The following SFSWAP variants were observed in gnomAD, a reference collection of about 807,000 sequenced individuals.
The protein encoded by SFSWAP is splicing factor SWAP.
A neutral mutation model predicts 100.7 loss-of-function variants in SFSWAP; 17 were observed. The observed-to-expected ratio is 0.17, with a 90% confidence interval of 0.12 to 0.25. SFSWAP has a LOEUF of 0.25. SFSWAP is among the 10% of genes least tolerant of loss of function. SFSWAP has a pLI of 1.00. For synonymous variants in SFSWAP, 504 were observed against 510.1 expected, an observed-to-expected ratio of 0.99 and a Z score of 0.16; for missense variants, 1,005 against 1,262.6, an observed-to-expected ratio of 0.80 and a Z score of 3.09.
chr12:131,719,426 T>G, intron 3 of SFSWAP, 28 bp from the exon 4 acceptor site: 1 of 1,591,622 alleles, frequency 6.3e-7, no homozygotes, highest in Non-Finnish European at 8.6e-7. Flanking sequence ...TGCATTGTTC[T>G]GAATTTTTTA....
Position 131,753,381 on chromosome 12 carries a change from CGCTGCCT to C in SFSWAP, c.1322+23_1322+29del. On this transcript the variant is annotated intron_variant, in intron 8 of 17. Coordinates refer to ENST00000261674, the MANE Select transcript of SFSWAP (RefSeq NM_004592.4). ...ACCACAAGGTAGGTGCAGCGTCCAC[CGCTGCCT>C]GCTGTGTGAGTCACTCAGCACTGCA... 6.2e-7 allele frequency: 1 copy of C among 1,602,006 alleles called. No homozygotes were observed. The highest frequency in any genetic ancestry group is 8.5e-7 in the Non-Finnish European group (1 of 1,171,636).
At chr12:131,761,073 A>G (rs777037382) in intron 11 of SFSWAP, among the ~76,000 whole-genome samples, 2 of 152,198 alleles carry the variant, frequency 1.3e-5, no homozygotes, top group Non-Finnish European at 2.9e-5. Flanking sequence ...CTCCGTCTCA[A>G]AGTGAAAATA....
chr12:131,726,239 T>C (rs977709012), intron 5 of SFSWAP, among the ~76,000 whole-genome samples: 4 of 152,220 alleles, frequency 2.6e-5, no homozygotes, highest in Non-Finnish European at 5.9e-5. Flanking sequence ...GTCTCGCTCT[T>C]GTCGCCCAGG....
intron 7 of SFSWAP, among the ~76,000 whole-genome samples, chr12:131,740,987 T>TTG (rs1772082019): frequency 7.0e-6 from 1 of 142,496 alleles, no homozygotes; most frequent in Non-Finnish European, 1.5e-5. Flanking sequence ...TTTTTTTTTT[T>TTG]TTTGAGATAG....
chr12:131,796,986 G>A (rs1399990529), intron 15 of SFSWAP, 192 bp from the exon 16 acceptor site: 4 of 546,224 alleles, frequency 7.3e-6, no homozygotes, highest in East Asian at 2.9e-5. Flanking sequence ...GTCCTAAATG[G>A]GGACGCGTCA....
chr12:131,779,611 T>G (rs1297146668), intron 14 of SFSWAP, among the ~76,000 whole-genome samples: 1 of 147,292 alleles, frequency 6.8e-6, no homozygotes, highest in Admixed American at 6.9e-5. Flanking sequence ...AACGCCGCAC[T>G]GACTGTGCTC....
At chr12:131,741,246 G>A (rs985596658) in intron 7 of SFSWAP, among the ~76,000 whole-genome samples, 12 of 152,014 alleles carry the variant, frequency 7.9e-5, no homozygotes, top group African/African-American at 2.2e-4. Flanking sequence ...GATTACAGGC[G>A]CAAGCCACCG....
chr12:131,756,512 C>T lies in SFSWAP; in HGVS notation c.1588C>T (p.Pro530Ser), dbSNP rs781719154. 6.2e-7 allele frequency: 1 copy of T among 1,613,940 alleles called. No individual in the cohort carries two copies. The highest frequency in any genetic ancestry group is 1.7e-5 in the Admixed American group (1 of 59,998). The change falls in exon 11 of 18, where the codon CCC (proline) becomes TCC (serine). Residue 530 changes from proline (P) to serine (S), a missense_variant. Physicochemically the swap from Pro to Ser is moderately conservative, Grantham distance 74. Transcript: ENST00000261674. ...AGAAGAGGCTCCCACAGACTCTGCT[C>T]CCGAGAAGCCAAGTGATGCTGGGGA... ...APEEAPTDSAPEKPSDAGEDG... is the reference protein window; with the variant it reads ...APEEAPTDSASEKPSDAGEDG...
chr12:131,743,389 T>G (rs1880835579), intron 7 of SFSWAP, among the ~76,000 whole-genome samples: 1 of 152,178 alleles, frequency 6.6e-6, no homozygotes, highest in South Asian at 2.1e-4. Context: ...AATACAACCG[T>G]CCATATGAGA....
At chr12:131,750,099 A>C (rs1289131245) in intron 7 of SFSWAP, among the ~76,000 whole-genome samples, 1 of 152,180 alleles carries the variant, frequency 6.6e-6, no homozygotes, top group East Asian at 1.9e-4. Flanking sequence ...GCTCCAGATG[A>C]CTTGTGCCCG....
In SFSWAP at chr12:131,756,659, G is replaced by T. The variant is rs747978394; in HGVS notation, c.1720+15G>T. 1.0e-5 allele frequency: 16 copies of T among 1,566,948 alleles called. No individual in the cohort carries two copies. Among genetic ancestry groups the T allele is most frequent in the Non-Finnish European group, 1.4e-5 (16 of 1,157,342 alleles). The stretch of plus-strand genomic sequence containing the variant: ...GCTGGTGAAAGGTATGCTGCCACTT[G>T]CATGTTGGCCTTGCACATTCCACCA... On this transcript the variant is annotated intron_variant, in intron 11 of 17. Coordinates refer to ENST00000261674, the MANE Select transcript of SFSWAP (RefSeq NM_004592.4).
At position 131,711,260 on chromosome 12, in the gene SFSWAP, C is replaced by T; in HGVS notation, c.31C>T (p.Pro11Ser). Residue 11 changes from proline to serine, a missense_variant, in exon 1 of 18, where the codon CCC (proline) becomes TCC (serine). By Grantham distance (74) the Pro-to-Ser change is moderately conservative. Around this residue, in one of 7 missense-constraint regions of SFSWAP, gnomAD observed 237 missense variants for 337.0 expected, o/e 0.70. Transcript: ENST00000261674. This position sits in a 1 kb window ranked among gnomAD's most constrained non-coding sequence, Gnocchi z 4.9. MYGASGGRAKPERKSGAKEEA... is the reference protein window; with the variant it reads MYGASGGRAKSERKSGAKEEA... ...CGGCGCGAGCGGGGGCCGCGCCAAA[C>T]CCGAGAGGAAAAGCGGCGCGAAGGA... 3 of 1,610,200 alleles carry T rather than the reference C, an allele frequency of 1.9e-6. No individual in the cohort carries two copies. Among genetic ancestry groups the T allele is most frequent in the Non-Finnish European group, 2.5e-6 (3 of 1,179,106 alleles).
At chr12:131,783,376 CTT>C (rs1160212603) in intron 14 of SFSWAP, 1 of 152,122 alleles carries the variant, frequency 6.6e-6, no homozygotes, top group Non-Finnish European at 1.5e-5. Context: ...AAGATAGTCT[CTT>C]GTGTTCATTT....
At chr12:131,774,969 A>G (rs1001685974) in intron 13 of SFSWAP, among the ~76,000 whole-genome samples, 4 of 152,216 alleles carry the variant, frequency 2.6e-5, no homozygotes, top group African/African-American at 9.6e-5. Context: ...GGCAGTAGAA[A>G]TATGAATAGA....
At position 131,782,486 on chromosome 12, in the gene SFSWAP, A is replaced by G. The variant is rs1268048305; in HGVS notation, c.2409-3977A>G. ...ATAAACTGTTACAAACGCAGCCTCC[A>G]CTCAGAATGGATCGGACTTGTCACT... On this transcript the variant is annotated intron_variant, in intron 14 of 17. Coordinates refer to ENST00000261674, the MANE Select transcript of SFSWAP (RefSeq NM_004592.4). Among the ~76,000 whole-genome samples the G allele has an allele frequency of 2.6e-5, 4 of 152,192 alleles. No individual in the cohort carries two copies. In the East Asian group the frequency reaches 7.7e-4, roughly 29 times the overall value.
chr12:131,755,145 C>T (rs976094762), intron 9 of SFSWAP, among the ~76,000 whole-genome samples: 4 of 152,152 alleles, frequency 2.6e-5, no homozygotes, highest in Non-Finnish European at 5.9e-5. Context: ...CAATGTCCCA[C>T]GCCTCAGTAC....
chr12:131,751,214 A>G (rs1425850950), intron 7 of SFSWAP, among the ~76,000 whole-genome samples: 2 of 152,260 alleles, frequency 1.3e-5, no homozygotes, highest in Non-Finnish European at 1.5e-5. Context: ...ACACAGTTAC[A>G]TAAAGAATGC....
At chr12:131,746,848 T>A (rs1881147411) in intron 7 of SFSWAP, among the ~76,000 whole-genome samples, 1 of 152,160 alleles carries the variant, frequency 6.6e-6, no homozygotes, top group Non-Finnish European at 1.5e-5. Context: ...CTCACGCCTA[T>A]AATCCCAGCA....
rs557916302 is a variant in SFSWAP, at chr12:131,734,135, G to A, written c.1081+5707G>A. ...CTGGGGAAGCATCAGAGCCTCTGCT[G>A]TGGTGGACGCCAGGTGGCCCCTGGC... On this transcript the variant is annotated intron_variant, in intron 7 of 17. Coordinates refer to ENST00000261674, the MANE Select transcript of SFSWAP (RefSeq NM_004592.4). This position sits in a 1 kb window ranked among gnomAD's most constrained non-coding sequence, Gnocchi z 4.9. 6.6e-6 allele frequency among the ~76,000 whole-genome samples: 1 copy of A among 152,242 alleles called. No individual in the cohort carries two copies. Among genetic ancestry groups the A allele is most frequent in the Non-Finnish European group, 1.5e-5 (1 of 68,046 alleles).
Sources: allele counts gnomAD v4.1 joint callset (sites outside exome capture counted in the v4.1 genomes callset), GRCh38; gene constraint gnomAD v4.1.1; regional missense constraint gnomAD v4.1.1; non-coding constraint Gnocchi (gnomAD v3.1); transcripts MANE v1.5; gene names NCBI Gene and HGNC (gene_info 2026-07-23, HGNC 2026-07-21).